The following LRRN1 variants were observed in gnomAD, a reference collection of about 807,000 sequenced individuals.
The protein encoded by LRRN1 is leucine-rich repeat neuronal protein 1.
Under a neutral mutation model 45.8 loss-of-function variants are expected in LRRN1, and 14 were observed. The observed-to-expected ratio is 0.31, with a 90% CI of 0.20 to 0.48. The LOEUF is 0.48. LRRN1 is among the 20% of genes least tolerant of loss of function. The pLI is 0.99. For missense variants in LRRN1, 789 were observed against 874.2 expected, an observed-to-expected ratio of 0.90 and a Z score of 1.23; for synonymous variants, 359 against 330.1, an observed-to-expected ratio of 1.09 and a Z score of -0.95.
At chr3:3,837,496 G>T (rs1693548478) in intron 1 of LRRN1, among the ~76,000 whole-genome samples, 1 of 152,010 alleles carries the variant, frequency 6.6e-6, no homozygotes, top group South Asian at 2.1e-4. Flanking sequence ...CTGCTGGTTG[G>T]TCCATTTTCT....
chr3:3,809,092 T>C (rs1692824202), intron 1 of LRRN1, among the ~76,000 whole-genome samples: 1 of 152,230 alleles, frequency 6.6e-6, no homozygotes, highest in Admixed American at 6.5e-5. Context: ...AAAAAATTAC[T>C]GCCGATATTT....
chr3:3,814,314 T>C (rs60979578), intron 1 of LRRN1, among the ~76,000 whole-genome samples: 26,556 of 150,484 alleles, frequency 0.18, 2,749 homozygotes, highest in East Asian at 0.29. Flanking sequence ...ATGTGCTGGA[T>C]ATTCTTGATG....
At position 3,846,009 on chromosome 3, in the gene LRRN1, A is replaced by G. The variant is rs1215086443; in HGVS notation, c.1368A>G (p.Glu456=). 5.0e-6 allele frequency: 8 copies of G among 1,613,784 alleles called. No individual in the cohort carries two copies. The African/African-American group carries it at 1.1e-4, about 22-fold the overall frequency. ...DCRAMAEPEP[E]IYWVTPIGNK... Reference sequence around the variant, plus strand: ...GAGCCATGGCTGAGCCAGAACCTGAAATTTACTGGGTCACTCCCATTGGAA... The same window carrying G: ...GAGCCATGGCTGAGCCAGAACCTGAGATTTACTGGGTCACTCCCATTGGAA... The change falls in exon 2 of 2, where the codon GAA becomes GAG. Residue 456 remains glutamate (E), a synonymous_variant. Coordinates refer to ENST00000319331, the MANE Select transcript of LRRN1 (RefSeq NM_020873.7). The surrounding 1 kb of genome is among the most constrained non-coding windows in gnomAD (Gnocchi z 5.7).
At chr3:3,802,171 T>C (rs1419831357) in intron 1 of LRRN1, among the ~76,000 whole-genome samples, 3 of 152,220 alleles carry the variant, frequency 2.0e-5, no homozygotes, top group Non-Finnish European at 4.4e-5. Flanking sequence ...GAGGTAGTCG[T>C]GCAGTAGACT....
In LRRN1 at chr3:3,846,879, T is replaced by C; in HGVS notation, c.*87T>C. 1 of 1,163,590 alleles carries C rather than the reference T, an allele frequency of 8.6e-7. No homozygotes were observed. The highest frequency in any genetic ancestry group is 1.2e-6 in the Non-Finnish European group (1 of 833,862). The allele number at this position is 1,163,590 out of a possible 1,614,324, so 72.1% of individuals were successfully genotyped here. Reference sequence around the variant, plus strand: ...AAAGTGAACAAGTTGAAGACTTTTGTATTTTTGACTTTGCTAGTTTGTGGC... The same window carrying C: ...AAAGTGAACAAGTTGAAGACTTTTGCATTTTTGACTTTGCTAGTTTGTGGC... On this transcript the variant is annotated 3_prime_UTR_variant, in exon 2 of 2. Transcript: ENST00000319331. The surrounding 1 kb of genome is among the most constrained non-coding windows in gnomAD (Gnocchi z 5.7).
At position 3,799,517 on chromosome 3, in the gene LRRN1, C is replaced by T. The variant is rs1325490899; in HGVS notation, c.-681C>T. The stretch of plus-strand genomic sequence containing the variant: ...TGCGCCCGCGGCTGCAAGCGCCCGC[C>T]TGGCGGGGAGAGGGGCCGACGGCGT... On this transcript the variant is annotated 5_prime_UTR_variant, in exon 1 of 2. Coordinates refer to ENST00000319331, the MANE Select transcript of LRRN1 (RefSeq NM_020873.7). 3 of 151,968 alleles carry T rather than the reference C, an allele frequency of 2.0e-5. No homozygotes were observed. Among genetic ancestry groups the T allele is most frequent in the African/African-American group, 4.8e-5 (2 of 41,440 alleles). 9.4% of individuals were successfully genotyped at this position (151,968 alleles called of 1,614,324 possible). A position where few individuals can be genotyped will look rare whatever the true frequency, so the allele number is the denominator to read the frequency against.
At position 3,848,654 on chromosome 3, in the gene LRRN1, T is replaced by C. The variant is rs1209806441; in HGVS notation, c.*1862T>C. Among the ~76,000 whole-genome samples, 3 of 152,000 alleles carry C rather than the reference T, an allele frequency of 2.0e-5. No individual in the cohort carries two copies. Among genetic ancestry groups the C allele is most frequent in the African/African-American group, 7.2e-5 (3 of 41,392 alleles). On this transcript the variant is annotated 3_prime_UTR_variant, in exon 2 of 2. Transcript: ENST00000319331. ...AAACAAATGAGCTGCAACAGAAAAA[T>C]AAGTACCTGAGCTCGAGGTATCCCT...
At chr3:3,804,897 A>T (rs17740964) in intron 1 of LRRN1, among the ~76,000 whole-genome samples, 1 of 152,230 alleles carries the variant, frequency 6.6e-6, no homozygotes, top group Non-Finnish European at 1.5e-5. Flanking sequence ...TTAGTCTGCC[A>T]TTGTATTCCG....
chr3:3,822,903 T>A (rs1693134597), intron 1 of LRRN1: 1 of 152,168 alleles, frequency 6.6e-6, no homozygotes, highest in African/African-American at 2.4e-5. Flanking sequence ...TGCACCTGTA[T>A]ATAATAGTGA....
chr3:3,804,393 G>T (rs2106449312), intron 1 of LRRN1, among the ~76,000 whole-genome samples: 1 of 152,272 alleles, frequency 6.6e-6, no homozygotes, highest in East Asian at 1.9e-4. Context: ...TGGAACCATT[G>T]TACCTAATGA....
Position 3,816,236 on chromosome 3 carries a change from C to G in LRRN1, c.-279+16317C>G, listed in dbSNP as rs1302256334. On this transcript the variant is annotated intron_variant, in intron 1 of 1. Coordinates refer to ENST00000319331, the MANE Select transcript of LRRN1 (RefSeq NM_020873.7). This position sits in a 1 kb window ranked among gnomAD's most constrained non-coding sequence, Gnocchi z 4.0. ...AGACTGTGTAATTAAGGACCATCCA[C>G]TAATGTGCACTGGTGGATTTATGGT... 2.6e-5 allele frequency among the ~76,000 whole-genome samples: 4 copies of G among 152,142 alleles called. No homozygotes were observed. Among genetic ancestry groups the G allele is most frequent in the African/African-American group, 9.7e-5 (4 of 41,432 alleles).
chr3:3,803,305 GATAA>G (rs528714434), intron 1 of LRRN1, among the ~76,000 whole-genome samples: 380 of 152,238 alleles, frequency 2.5e-3, no homozygotes, highest in Non-Finnish European at 3.9e-3. Context: ...AAATAATAAT[GATAA>G]ATAATCAGAA....
intron 1 of LRRN1, among the ~76,000 whole-genome samples, chr3:3,834,669 G>T (rs905083407): frequency 6.7e-5 from 10 of 149,706 alleles, no homozygotes; most frequent in Non-Finnish European, 1.5e-4. Context: ...TCCCACAATA[G>T]GCTATCTGCC....
chr3:3,816,874 G>T lies in LRRN1; in HGVS notation c.-279+16955G>T, dbSNP rs1692996627. On this transcript the variant is annotated intron_variant, in intron 1 of 1. Coordinates refer to ENST00000319331, the MANE Select transcript of LRRN1 (RefSeq NM_020873.7). This position sits in a 1 kb window ranked among gnomAD's most constrained non-coding sequence, Gnocchi z 4.0. ...AACGAACTTGACTTTAACTTCAGCT[G>T]GTTCACTTATAGCTGCGGGAATTGT... Among the ~76,000 whole-genome samples the T allele has an allele frequency of 6.6e-6, 1 of 152,176 alleles. No individual in the cohort carries two copies. Among genetic ancestry groups the T allele is most frequent in the Non-Finnish European group, 1.5e-5 (1 of 68,030 alleles).
At chr3:3,843,503 C>A (rs1020886753) in intron 1 of LRRN1, among the ~76,000 whole-genome samples, 1 of 128,736 alleles carries the variant, frequency 7.8e-6, no homozygotes, top group Admixed American at 7.7e-5. Flanking sequence ...ACCATCACCA[C>A]AATCTTTAGA....
rs146826281 is a variant in LRRN1, at chr3:3,838,005, G to A, written c.-278-6359G>A. On this transcript the variant is annotated intron_variant, in intron 1 of 1. Transcript: ENST00000319331. Reference sequence around the variant, plus strand: ...GTGGTGTTTGGTTTTCTGTTCCTGCGTTAGTTTGCTGAGGATAATGGCTGC... The same window carrying A: ...GTGGTGTTTGGTTTTCTGTTCCTGCATTAGTTTGCTGAGGATAATGGCTGC... Among the ~76,000 whole-genome samples the A allele has an allele frequency of 6.5e-3, 986 of 152,108 alleles. 10 individuals are homozygous for A. Among genetic ancestry groups the A allele is most frequent in the African/African-American group, 0.02 (821 of 41,486 alleles).
intron 1 of LRRN1, among the ~76,000 whole-genome samples, chr3:3,841,023 G>A (rs1693640553): frequency 6.6e-6 from 1 of 152,092 alleles, no homozygotes; most frequent in African/African-American, 2.4e-5. Context: ...GTTGAGGCTG[G>A]GTGCGGTGGC....
At chr3:3,825,298 G>A (rs1234497167) in intron 1 of LRRN1, among the ~76,000 whole-genome samples, 5 of 152,130 alleles carry the variant, frequency 3.3e-5, no homozygotes, top group Non-Finnish European at 7.3e-5. Flanking sequence ...TTTTATGCTC[G>A]ACTTGGAGAC....
intron 1 of LRRN1, among the ~76,000 whole-genome samples, chr3:3,829,390 T>C (rs1290025110): frequency 1.3e-5 from 2 of 152,094 alleles, no homozygotes; most frequent in Non-Finnish European, 2.9e-5. Context: ...TGTAATGTCG[T>C]GGGAATAGGA....
Sources: gnomAD v4.1 joint callset for allele counts (sites outside exome capture counted in the v4.1 genomes callset) on GRCh38, gnomAD v4.1.1 for gene constraint, Gnocchi (gnomAD v3.1) non-coding constraint, MANE v1.5 for transcripts, NCBI Gene and HGNC (gene_info 2026-07-23, HGNC 2026-07-21) for gene names.